Variants in PDE4A observed in about 807,000 individuals in gnomAD.
PDE4A encodes the protein 3',5'-cyclic-AMP phosphodiesterase 4A.
A neutral mutation model predicts 73.9 loss-of-function variants in PDE4A; 21 were observed. That is an observed-to-expected ratio of 0.28 (90% CI 0.20 to 0.41). The LOEUF is 0.41. Ranked by LOEUF, PDE4A falls within the 10% of genes least tolerant of loss-of-function variation. PDE4A has a pLI of 1.00. For synonymous variants in PDE4A, 463 were observed against 505.4 expected (o/e 0.92, Z 1.13); for missense variants, 958 against 1,211.4 (o/e 0.79, Z 3.10).
chr19:10,450,809 C>A lies in PDE4A; in HGVS notation c.671-20C>A. On this transcript the variant is annotated intron_variant, in intron 5 of 14. Transcript: ENST00000380702. ...GCCTACAGACCTTCTCAGTCACTAC[C>A]CTGGCTGCCCCTTCCTTAGAAGAAA... 1 of 1,594,410 alleles carries A rather than the reference C, an allele frequency of 6.3e-7. No homozygotes were observed. Among genetic ancestry groups the A allele is most frequent in the Non-Finnish European group, 8.5e-7 (1 of 1,170,774 alleles).
In PDE4A at chr19:10,467,872, T is replaced by G. The variant is rs2043407321; in HGVS notation, c.*251T>G. 2.8e-6 allele frequency: 1 copy of G among 359,626 alleles called. No individual in the cohort carries two copies. Among genetic ancestry groups the G allele is most frequent in the Non-Finnish European group, 5.0e-6 (1 of 201,970 alleles). The allele number at this position is 359,626 out of a possible 1,614,324, so 22.3% of individuals were successfully genotyped here. On this transcript the variant is annotated 3_prime_UTR_variant, in exon 15 of 15. Coordinates refer to ENST00000380702, the MANE Select transcript of PDE4A (RefSeq NM_001111307.2). ...CCGGAAGGGATTTTATTTTTTTGAA[T>G]TTTAATTGTAACATTTTTAGAAAAA...
chr19:10,459,943 C>T (rs953861966), intron 10 of PDE4A, among the ~76,000 whole-genome samples, 184 bp downstream of exon 10: 4 of 152,008 alleles, frequency 2.6e-5, no homozygotes, highest in Non-Finnish European at 5.9e-5. Context: ...TGCAGTGGCA[C>T]GATCTCAGCT....
At chr19:10,420,343 C>T (rs1223034783), upstream of PDE4A, 1 of 974,064 alleles carries the variant, frequency 1.0e-6, no homozygotes, top group African/African-American at 1.8e-5. This position sits in a 1 kb window ranked among gnomAD's most constrained non-coding sequence, Gnocchi z 6.0. Context: ...GCGCCCCCTC[C>T]CAGCCCGGAG....
intron 1 of PDE4A, among the ~76,000 whole-genome samples, chr19:10,432,216 C>A (rs1362335303): frequency 3.4e-5 from 5 of 148,912 alleles, no homozygotes; most frequent in Non-Finnish European, 7.5e-5. Flanking sequence ...CTCCGCAGGA[C>A]CCCTGCAGGG....
chr19:10,459,369 G>T (rs371371518), intron 8 of PDE4A, 31 bp from the exon 9 acceptor site: 25 of 1,614,014 alleles, frequency 1.5e-5, no homozygotes, highest in Non-Finnish European at 2.0e-5. Context: ...AGCCTTACAG[G>T]CTTCTGACCT....
chr19:10,419,127 G>A, upstream of PDE4A: 1 of 958,768 alleles, frequency 1.0e-6, no homozygotes, highest in Non-Finnish European at 1.2e-6. Context: ...AAACGGCATC[G>A]CGTGCCCTGG....
chr19:10,452,858 C>CTG, intron 6 of PDE4A: 1 of 598,582 alleles, frequency 1.7e-6, no homozygotes, highest in Non-Finnish European at 2.1e-6. Flanking sequence ...TCTGATGCCC[C>CTG]TTTAATACCC....
intron 1 of PDE4A, among the ~76,000 whole-genome samples, chr19:10,434,383 T>C (rs1007939677): frequency 1.3e-5 from 2 of 151,952 alleles, no homozygotes; most frequent in African/African-American, 2.4e-5. Flanking sequence ...TTTTTTTGTA[T>C]TTTTAGTTTA....
At chr19:10,456,035 C>A (rs890248855) in intron 7 of PDE4A, among the ~76,000 whole-genome samples, 1 of 150,834 alleles carries the variant, frequency 6.6e-6, no homozygotes, top group Non-Finnish European at 1.5e-5. Context: ...TATGACCCCC[C>A]CCCAATTCAG....
upstream of PDE4A, chr19:10,420,464 G>C (rs2042633754): frequency 1.2e-6 from 1 of 836,142 alleles, no homozygotes; most frequent in African/African-American, 1.8e-5. This position sits in a 1 kb window ranked among gnomAD's most constrained non-coding sequence, Gnocchi z 6.0. Flanking sequence ...CGGGGGGCGG[G>C]GAGGGGCGGG....
Position 10,450,620 on chromosome 19 carries a change from G to A in PDE4A, c.638G>A (p.Gly213Asp). 5 of 1,609,694 alleles carry A rather than the reference G, an allele frequency of 3.1e-6. No individual in the cohort carries two copies. Among genetic ancestry groups the A allele is most frequent in the Non-Finnish European group, 4.2e-6 (5 of 1,178,554 alleles). Residue 213 changes from glycine to aspartate, a missense_variant, in exon 5 of 15, where the codon GGC becomes GAC. Physicochemically the swap from Gly to Asp is moderately conservative, Grantham distance 94 (BLOSUM62 -1). Coordinates refer to ENST00000380702, the MANE Select transcript of PDE4A (RefSeq NM_001111307.2). ...VPSNKRSPLG[G>D]PTPVCKATLS... ...TTCTGCAGGCGGTCCCCGCTGGGCGGCCCCACCCCTGTCTGCAAGGCCACG... is the reference window on the plus strand; with the variant it reads ...TTCTGCAGGCGGTCCCCGCTGGGCGACCCCACCCCTGTCTGCAAGGCCACG...
intron 10 of PDE4A, among the ~76,000 whole-genome samples, chr19:10,460,414 G>A (rs565468352): frequency 3.6e-4 from 55 of 151,734 alleles, no homozygotes; most frequent in African/African-American, 1.1e-3. Flanking sequence ...CAGGAGAATC[G>A]CTGGAACCCA....
Position 10,461,005 on chromosome 19 carries a change from C to G in PDE4A, c.1367C>G (p.Ala456Gly). 1 of 1,611,832 alleles carries G rather than the reference C, an allele frequency of 6.2e-7. No homozygotes were observed. The highest frequency in any genetic ancestry group is 8.5e-7 in the Non-Finnish European group (1 of 1,178,284). ...HVLLATPALD[A>G]VFTDLEILAA... Reference sequence around the variant, plus strand: ...TAACATCCGTGTCTCTGCTCCCAGGCAGTGTTCACGGACCTGGAGATTCTC... The same window carrying G: ...TAACATCCGTGTCTCTGCTCCCAGGGAGTGTTCACGGACCTGGAGATTCTC... Residue 456 changes from alanine to glycine, a missense_variant and splice_region_variant, in exon 11 of 15, where the codon GCA becomes GGA. Around this residue, in one of 3 missense-constraint regions of PDE4A, gnomAD observed 570 missense variants for 827.7 expected, o/e 0.69. Coordinates refer to ENST00000380702, the MANE Select transcript of PDE4A (RefSeq NM_001111307.2).
At chr19:10,426,012 A>AAAAAAG (rs58606489) in intron 1 of PDE4A, among the ~76,000 whole-genome samples, 8 of 140,618 alleles carry the variant, frequency 5.7e-5, no homozygotes, top group African/African-American at 2.3e-4. Flanking sequence ...AAAAAAAAAA[A>AAAAAAG]AGGAAGGAGG....
At chr19:10,434,888 G>GC (rs1249956193) in intron 1 of PDE4A, among the ~76,000 whole-genome samples, 6 of 133,242 alleles carry the variant, frequency 4.5e-5, no homozygotes, top group African/African-American at 1.5e-4. Context: ...ACTGTGCCCA[G>GC]CTTTTTTTTT....
chr19:10,417,535 C>T, upstream of PDE4A: 1 of 1,440,330 alleles, frequency 6.9e-7, no homozygotes, highest in Non-Finnish European at 9.1e-7. Flanking sequence ...GTGGCTCACA[C>T]GTGAAGGGGA....
upstream of PDE4A, chr19:10,418,788 G>A: frequency 8.1e-6 from 8 of 985,110 alleles, no homozygotes; most frequent in Non-Finnish European, 9.6e-6. Context: ...TCTAACCAAC[G>A]TTACAGCATA....
In PDE4A at chr19:10,467,424, C is replaced by T. The variant is rs1186394888; in HGVS notation, c.2464C>T (p.Pro822Ser). ...SALALQSPLL[P>S]AWRTLSVSEH... ...CCTGGCTCTTCAAAGCCCCCTTCTC[C>T]CTGCTTGGAGGACCCTGTCTGTTTC... is the stretch of plus-strand genomic sequence containing the variant. The change falls in exon 15 of 15, where the codon CCT (proline) becomes TCT (serine). Residue 822 changes from proline to serine, a missense_variant. Transcript: ENST00000380702. 1 of 1,613,798 alleles carries T rather than the reference C, an allele frequency of 6.2e-7. No individual in the cohort carries two copies. Among genetic ancestry groups the T allele is most frequent in the Admixed American group, 1.7e-5 (1 of 60,000 alleles).
At chr19:10,459,570 C>T in intron 9 of PDE4A, 25 bp from the exon 10 acceptor site, 4 of 1,611,878 alleles carry the variant, frequency 2.5e-6, no homozygotes, top group Non-Finnish European at 8.5e-7. Flanking sequence ...GTGGAGGTCA[C>T]CACCCTGCCC....
Sources: allele counts gnomAD v4.1 joint callset (sites outside exome capture counted in the v4.1 genomes callset), GRCh38; gene constraint gnomAD v4.1.1; regional missense constraint gnomAD v4.1.1; non-coding constraint Gnocchi (gnomAD v3.1); transcripts MANE v1.5; gene names NCBI Gene and HGNC (gene_info 2026-07-23, HGNC 2026-07-21).